Variants in FOXP2 observed in about 807,000 individuals in gnomAD.
FOXP2 encodes the protein forkhead box P2, also known as forkhead box protein P2.
In FOXP2, 12 loss-of-function variants were observed where a neutral mutation model predicts 115.8. The ratio of observed to expected loss-of-function variants is 0.10; its 90% confidence interval spans 0.07 to 0.17. The LOEUF (loss-of-function observed/expected upper bound fraction) is 0.17. Ranked by LOEUF, FOXP2 falls within the 10% of genes least tolerant of loss-of-function variation. The pLI is 1.00. For missense variants in FOXP2, 629 were observed against 843.5 expected, an observed-to-expected ratio of 0.75 and a Z score of 3.15; for synonymous variants, 328 against 297.7, an observed-to-expected ratio of 1.10 and a Z score of -1.05.
At chr7:114,542,794 GTTT>G (rs201884118) in intron 3 of FOXP2, among the ~76,000 whole-genome samples, 4 of 138,938 alleles carry the variant, frequency 2.9e-5, no homozygotes, top group East Asian at 2.1e-4. Context: ...TTTGTTTTTT[GTTT>G]TTTTTTTTTT....
At chr7:114,302,848 G>A (rs535713257) in intron 2 of FOXP2, among the ~76,000 whole-genome samples, 2 of 152,302 alleles carry the variant, frequency 1.3e-5, no homozygotes, top group Admixed American at 1.3e-4. Flanking sequence ...ACTGTCAACA[G>A]CCTCTCAGGA....
intron 3 of FOXP2, among the ~76,000 whole-genome samples, chr7:114,555,416 G>C (rs1186151485): frequency 1.3e-5 from 2 of 152,136 alleles, no homozygotes; most frequent in African/African-American, 4.8e-5. Flanking sequence ...GTAATGACAA[G>C]GGGATGACAA....
At chr7:114,637,003 A>G (rs1216874637) in intron 6 of FOXP2, among the ~76,000 whole-genome samples, 1 of 152,094 alleles carries the variant, frequency 6.6e-6, no homozygotes, top group African/African-American at 2.4e-5. Flanking sequence ...GTGAGACCCT[A>G]TCTTTACAAA....
chr7:114,444,275 AAGACACAGACAAAG>A (rs557436665), intron 2 of FOXP2, among the ~76,000 whole-genome samples: 15 of 152,258 alleles, frequency 9.9e-5, no homozygotes, highest in Admixed American at 8.5e-4. Context: ...AAATCTCACC[AAGACACAGACAAAG>A]GCTGAAAAAC....
At chr7:114,264,576 T>C (rs560539801) in intron 1 of FOXP2, among the ~76,000 whole-genome samples, 11 of 152,226 alleles carry the variant, frequency 7.2e-5, no homozygotes, top group Non-Finnish European at 1.5e-4. Context: ...ATATTACCTG[T>C]AGTACTTTAT....
intron 2 of FOXP2, among the ~76,000 whole-genome samples, chr7:114,462,335 C>T (rs1795606354): frequency 2.8e-5 from 4 of 141,094 alleles, no homozygotes; most frequent in Non-Finnish European, 3.1e-5. Context: ...AAATAAAACT[C>T]AGCTCTGGGC....
intron 1 of FOXP2, among the ~76,000 whole-genome samples, chr7:114,243,650 A>G (rs1005908616): frequency 3.3e-5 from 5 of 152,168 alleles, no homozygotes; most frequent in African/African-American, 1.2e-4. Context: ...GTTGTGTAAA[A>G]TAATATTTTC....
intron 1 of FOXP2, among the ~76,000 whole-genome samples, chr7:114,230,869 C>A (rs952021427): frequency 1.3e-5 from 2 of 151,094 alleles, no homozygotes; most frequent in Non-Finnish European, 3.0e-5. Flanking sequence ...CTAGCCAGAG[C>A]AATGATGTAA....
At chr7:114,267,634 G>A (rs185352502) in intron 1 of FOXP2, among the ~76,000 whole-genome samples, 403 of 151,668 alleles carry the variant, frequency 2.7e-3, no homozygotes, top group Non-Finnish European at 3.9e-3. Context: ...GGCTGAGGCA[G>A]GAGAGTCACT....
At chr7:114,545,099 A>G (rs1584876927) in intron 3 of FOXP2, among the ~76,000 whole-genome samples, 1 of 152,214 alleles carries the variant, frequency 6.6e-6, no homozygotes, top group Admixed American at 6.5e-5. Flanking sequence ...CTTACAATAC[A>G]GCTGGCCTAC....
chr7:114,648,691 T>G lies in FOXP2; in HGVS notation c.1095-3512T>G, dbSNP rs564158935. ...TTGTTTTTAGAAAGAATTTGACTGCTTATTATGTATCTAGTTGATACTACC... is the reference window on the plus strand; with the variant it reads ...TTGTTTTTAGAAAGAATTTGACTGCGTATTATGTATCTAGTTGATACTACC... On this transcript the variant is annotated intron_variant, in intron 8 of 16. Transcript: ENST00000350908. 5.3e-5 allele frequency among the ~76,000 whole-genome samples: 8 copies of G among 152,266 alleles called. No individual in the cohort carries two copies. The South Asian group carries it at 1.7e-3, about 32-fold the overall frequency.
chr7:114,154,143 CTAATTT>C (rs1335787824), intron 1 of FOXP2, among the ~76,000 whole-genome samples: 1 of 152,070 alleles, frequency 6.6e-6, no homozygotes, highest in Non-Finnish European at 1.5e-5. Flanking sequence ...GCATTCTTTG[CTAATTT>C]ATCTGGTCAA....
At chr7:114,642,095 C>T (rs1302795272) in intron 6 of FOXP2, among the ~76,000 whole-genome samples, 1 of 152,080 alleles carries the variant, frequency 6.6e-6, no homozygotes, top group African/African-American at 2.4e-5. Flanking sequence ...CGTGAGCCAC[C>T]ATGCCTGGCC....
At chr7:114,456,275 T>G (rs1795309285) in intron 2 of FOXP2, among the ~76,000 whole-genome samples, 1 of 152,122 alleles carries the variant, frequency 6.6e-6, no homozygotes. Flanking sequence ...CACAGAGAAG[T>G]TTGAATGCCA....
intron 1 of FOXP2, among the ~76,000 whole-genome samples, chr7:114,210,444 C>T (rs564975462): frequency 7.8e-4 from 119 of 152,242 alleles, no homozygotes; most frequent in Non-Finnish European, 1.2e-3. Flanking sequence ...CCCCAGTTGC[C>T]TCAGTTTTTC....
chr7:114,584,075 G>A (rs923827922), intron 3 of FOXP2, among the ~76,000 whole-genome samples: 1 of 151,968 alleles, frequency 6.6e-6, no homozygotes, highest in Non-Finnish European at 1.5e-5. Flanking sequence ...TTTTATTGAG[G>A]AAAGTGAGCA....
At chr7:114,491,693 G>T (rs1797062615) in intron 2 of FOXP2, among the ~76,000 whole-genome samples, 1 of 152,072 alleles carries the variant, frequency 6.6e-6, no homozygotes, top group Admixed American at 6.6e-5. Context: ...CATTGGTTCT[G>T]TTTATATGCT....
At position 114,415,036 on chromosome 7, in the gene FOXP2, A is replaced by G. The variant is rs531957198; in HGVS notation, c.-335A>G. ...ACCCCTCACGTTGCACACCAAAGAC[A>G]TACCCTAGTGATTAAATGCTGATTT... On this transcript the variant is annotated 5_prime_UTR_variant, in exon 1 of 17. Coordinates refer to ENST00000350908, the MANE Select transcript of FOXP2 (RefSeq NM_014491.4). 220 of 453,808 alleles carry G rather than the reference A, an allele frequency of 4.8e-4. No individual in the cohort carries two copies. Among genetic ancestry groups the G allele is most frequent in the Non-Finnish European group, 8.3e-4 (189 of 226,488 alleles). 28.1% of individuals were successfully genotyped at this position (453,808 alleles called of 1,614,324 possible).
intron 1 of FOXP2, among the ~76,000 whole-genome samples, chr7:114,176,201 CT>C (rs1231983314): frequency 4.2e-5 from 6 of 144,142 alleles, no homozygotes; most frequent in Non-Finnish European, 8.9e-5. Flanking sequence ...CTTGTCTTGT[CT>C]TGTCTTGTCT....
Sources: gnomAD v4.1 joint callset for allele counts (sites outside exome capture counted in the v4.1 genomes callset) on GRCh38, gnomAD v4.1.1 for gene constraint, MANE v1.5 for transcripts, NCBI Gene and HGNC (gene_info 2026-07-23, HGNC 2026-07-21) for gene names.